The following MTUS1 variants were observed in gnomAD, a reference collection of about 807,000 sequenced individuals.
MTUS1 encodes the protein microtubule-associated tumor suppressor 1.
Under a neutral mutation model 120.8 loss-of-function variants are expected in MTUS1, and 109 were observed. The observed-to-expected ratio is 0.90, with a 90% CI of 0.77 to 1.06. The LOEUF is 1.06. MTUS1 is among the 50% of genes least tolerant of loss of function. MTUS1 has a pLI of 0.00. For synonymous variants in MTUS1, 737 were observed against 550.5 expected (o/e 1.34, Z -4.74); for missense variants, 2,210 against 1,486.3 (o/e 1.49, Z -8.01).
intron 3 of MTUS1, among the ~76,000 whole-genome samples, chr8:17,730,005 C>T (rs919737330): frequency 7.5e-6 from 1 of 132,736 alleles, no homozygotes; most frequent in East Asian, 2.2e-4. Flanking sequence ...AAAAAAAAAG[C>T]AAAAACAAAA....
Position 17,797,029 on chromosome 8 carries a change from T to C in MTUS1, c.-155+4032A>G, listed in dbSNP as rs991548286. 4.0e-5 allele frequency among the ~76,000 whole-genome samples: 6 copies of C among 151,826 alleles called. No homozygotes were observed. In the East Asian group the frequency reaches 1.2e-3, roughly 29 times the overall value. The stretch of plus-strand genomic sequence containing the variant: ...CAGGAGGCTGAGGCAGGAGAATCAC[T>C]TGAACCTGAGAGGTGGGGGTTGCAG... On this transcript the variant is annotated intron_variant, in intron 1 of 14. Coordinates refer to ENST00000693296, the MANE Select transcript of MTUS1 (RefSeq NM_001363059.2).
chr8:17,749,554 A>C (rs2048023527), intron 2 of MTUS1, among the ~76,000 whole-genome samples: 1 of 151,748 alleles, frequency 6.6e-6, no homozygotes, highest in Admixed American at 6.6e-5. Context: ...CCAGCTACTC[A>C]AAAGGCTGAG....
intron 1 of MTUS1, among the ~76,000 whole-genome samples, chr8:17,777,616 A>C (rs17125353): frequency 6.6e-6 from 1 of 152,056 alleles, no homozygotes; most frequent in Admixed American, 6.6e-5. Context: ...CAGAAATGAA[A>C]AACAGTGAAG....
At chr8:17,785,212 C>G (rs981674601) in intron 1 of MTUS1, among the ~76,000 whole-genome samples, 3 of 125,626 alleles carry the variant, frequency 2.4e-5, no homozygotes, top group Non-Finnish European at 5.5e-5. Flanking sequence ...CTCCAAAGAG[C>G]CTCCAGTTCA....
chr8:17,737,281 T>A (rs2047004075), intron 3 of MTUS1, among the ~76,000 whole-genome samples: 1 of 152,194 alleles, frequency 6.6e-6, no homozygotes. Context: ...ATGGCGATTA[T>A]CACAGTATCC....
At position 17,755,176 on chromosome 8, in the gene MTUS1, G is replaced by A. The variant is rs1171454478; in HGVS notation, c.632C>T (p.Ser211Phe). 1 of 1,614,038 alleles carries A rather than the reference G, an allele frequency of 6.2e-7. No homozygotes were observed. The highest frequency in any genetic ancestry group is 1.3e-5 in the African/African-American group (1 of 74,904). Residue 211 changes from serine to phenylalanine, a missense_variant, in exon 2 of 15, where the codon TCC becomes TTC. By Grantham distance (155) the Ser-to-Phe change is radical (BLOSUM62 -2). Coordinates refer to ENST00000693296, the MANE Select transcript of MTUS1 (RefSeq NM_001363059.2). ...SSLSYSTWTS[S>F]HSDKTHARET... is the part of the protein sequence containing the mutation. ...TCTTGCATGCGTCTTATCAGAATGG[G>A]AAGATGTCCAAGTGGAATAGGATAA... is the stretch of plus-strand genomic sequence containing the variant.
At chr8:17,742,192 G>C (rs1382992444) in intron 3 of MTUS1, among the ~76,000 whole-genome samples, 2 of 151,422 alleles carry the variant, frequency 1.3e-5, no homozygotes, top group Admixed American at 6.6e-5. Context: ...CTGGGCTCAA[G>C]TGATCTTCCT....
At chr8:17,775,248 C>T (rs1300311174) in intron 1 of MTUS1, among the ~76,000 whole-genome samples, 1 of 152,100 alleles carries the variant, frequency 6.6e-6, no homozygotes, top group Non-Finnish European at 1.5e-5. Context: ...ACGTAAATTT[C>T]ATGTTATATA....
At chr8:17,797,999 T>G (rs960151396) in intron 1 of MTUS1, among the ~76,000 whole-genome samples, 2 of 152,132 alleles carry the variant, frequency 1.3e-5, no homozygotes, top group Admixed American at 1.3e-4. Flanking sequence ...TTTAACTACG[T>G]ATGCAGTACA....
chr8:17,653,382 AT>A lies in MTUS1; in HGVS notation c.3288+42del, dbSNP rs558449475. The A allele has an allele frequency of 6.2e-4, 928 of 1,496,064 alleles. 3 individuals are homozygous for A. The highest frequency in any genetic ancestry group is 5.7e-3 in the African/African-American group (407 of 70,826). 92.7% of individuals were successfully genotyped at this position (1,496,064 alleles called of 1,614,324 possible). On this transcript the variant is annotated intron_variant, in intron 11 of 14. Coordinates refer to ENST00000693296, the MANE Select transcript of MTUS1 (RefSeq NM_001363059.2). ...AAAACCAAACAAAATCAAAAATGATATTTTTTTTTGTGGGGGATACTGGGAT... is the reference window on the plus strand; with the variant it reads ...AAAACCAAACAAAATCAAAAATGATATTTTTTTTGTGGGGGATACTGGGAT...
chr8:17,652,023 T>G (rs1807108643), intron 12 of MTUS1, among the ~76,000 whole-genome samples: 1 of 152,220 alleles, frequency 6.6e-6, no homozygotes. Flanking sequence ...AATGACATTA[T>G]TTGCAGAAGG....
chr8:17,735,024 G>T (rs1486813946), intron 3 of MTUS1, among the ~76,000 whole-genome samples: 1 of 152,004 alleles, frequency 6.6e-6, no homozygotes, highest in Non-Finnish European at 1.5e-5. Flanking sequence ...AGATCCTCCT[G>T]TCTCAGGCTC....
chr8:17,670,909 T>C (rs1387383817), intron 8 of MTUS1, among the ~76,000 whole-genome samples: 2 of 152,148 alleles, frequency 1.3e-5, no homozygotes, highest in Non-Finnish European at 2.9e-5. Context: ...CAGCATACTA[T>C]ATCTTTCCAT....
intron 2 of MTUS1, among the ~76,000 whole-genome samples, chr8:17,744,349 C>A (rs773931587): frequency 4.6e-5 from 7 of 152,182 alleles, no homozygotes; most frequent in Non-Finnish European, 7.3e-5. Flanking sequence ...ATAATAAGAA[C>A]CTTGGTCTCC....
chr8:17,751,088 G>C (rs2048151055), intron 2 of MTUS1, among the ~76,000 whole-genome samples: 1 of 151,478 alleles, frequency 6.6e-6, no homozygotes, highest in Non-Finnish European at 1.5e-5. Flanking sequence ...AGGCCAATGT[G>C]GGCGGATCAC....
intron 1 of MTUS1, among the ~76,000 whole-genome samples, chr8:17,760,046 G>A (rs1246951107): frequency 6.9e-6 from 1 of 145,760 alleles, no homozygotes; most frequent in Non-Finnish European, 1.5e-5. Flanking sequence ...CTACCTCTAC[G>A]ATTTCTTTTC....
At chr8:17,775,639 T>A (rs185524437) in intron 1 of MTUS1, among the ~76,000 whole-genome samples, 2 of 152,370 alleles carry the variant, frequency 1.3e-5, no homozygotes, top group Admixed American at 1.3e-4. Flanking sequence ...AGAGACATTA[T>A]ATCATAGAAG....
At chr8:17,793,585 C>T (rs2051975744) in intron 1 of MTUS1, among the ~76,000 whole-genome samples, 1 of 152,046 alleles carries the variant, frequency 6.6e-6, no homozygotes, top group African/African-American at 2.4e-5. Context: ...ACCCAGCATC[C>T]GAACATTTAG....
intron 1 of MTUS1, among the ~76,000 whole-genome samples, chr8:17,782,294 G>C (rs2050931381): frequency 6.6e-6 from 1 of 152,174 alleles, no homozygotes; most frequent in African/African-American, 2.4e-5. Context: ...AGCATACCAA[G>C]ATGATGTAGT....
Sources: gnomAD v4.1 joint callset for allele counts (sites outside exome capture counted in the v4.1 genomes callset) on GRCh38, gnomAD v4.1.1 for gene constraint, MANE v1.5 for transcripts, NCBI Gene and HGNC (gene_info 2026-07-23, HGNC 2026-07-21) for gene names.